Variants in NPY5R observed in about 807,000 individuals in gnomAD.
NPY5R encodes neuropeptide Y receptor type 5.
NPY5R carries 21 observed loss-of-function variants against 24.8 expected under a neutral mutation model. The ratio of observed to expected loss-of-function variants is 0.85; its 90% CI spans 0.60 to 1.22. The LOEUF is 1.22. NPY5R is among the 50% of genes most tolerant of loss of function. The pLI, the probability that NPY5R is intolerant of heterozygous loss-of-function variation, is 0.00. For missense variants in NPY5R, 481 were observed against 521.3 expected, an observed-to-expected ratio of 0.92 and a Z score of 0.75; for synonymous variants, 175 against 183.0, an observed-to-expected ratio of 0.96 and a Z score of 0.35.
rs201640301 is a variant in NPY5R at position 163,350,314 on chromosome 4, C to A, written c.41C>A (p.Ala14Asp). ...ELDEYYNKTLATENNTAATRN... is the reference protein window; with the variant it reads ...ELDEYYNKTLDTENNTAATRN... The stretch of plus-strand genomic sequence containing the variant: ...GACGAGTATTATAACAAGACACTTG[C>A]CACAGAGAATAATACTGCTGCCACT... The change falls in exon 4 of 4, where the codon GCC becomes GAC. Residue 14 changes from alanine (A) to aspartate (D), a missense_variant. Ala to Asp is a moderately radical substitution (Grantham distance 126). Transcript: ENST00000338566. 1.9e-6 allele frequency: 3 copies of A among 1,594,368 alleles called. No homozygotes were observed. The highest frequency in any genetic ancestry group is 2.6e-6 in the Non-Finnish European group (3 of 1,166,994).
chr4:163,345,954 A>G (rs899209327), intron 2 of NPY5R, among the ~76,000 whole-genome samples: 5 of 70,414 alleles, frequency 7.1e-5, no homozygotes, highest in African/African-American at 2.8e-4. Flanking sequence ...TGCCTCCAGC[A>G]TTTGCAATAT....
At chr4:163,348,968 C>T (rs529284264) in intron 3 of NPY5R, among the ~76,000 whole-genome samples, 2 of 151,428 alleles carry the variant, frequency 1.3e-5, no homozygotes, top group Admixed American at 1.3e-4. Flanking sequence ...AATTAATCAA[C>T]AGGTGAAATT....
At chr4:163,345,296 T>A (rs1420358651) in intron 1 of NPY5R, 4 of 152,202 alleles carry the variant, frequency 2.6e-5, no homozygotes, top group Non-Finnish European at 4.4e-5. Context: ...GTTTCATTTG[T>A]CTAGGTGTCA....
At position 163,350,424 on chromosome 4, in the gene NPY5R, G is replaced by C. The variant is rs757222561; in HGVS notation, c.151G>C (p.Val51Leu). 5 of 1,613,900 alleles carry C rather than the reference G, an allele frequency of 3.1e-6. No individual in the cohort carries two copies. Among genetic ancestry groups the C allele is most frequent in the Non-Finnish European group, 4.2e-6 (5 of 1,179,806 alleles). The change falls in exon 4 of 4, where the codon GTA becomes CTA. Residue 51 changes from valine to leucine, a missense_variant. Coordinates refer to ENST00000338566, the MANE Select transcript of NPY5R (RefSeq NM_006174.4). ...TTTTCTGATTGGGCTCTATACATTT[G>C]TAAGTCTTCTTGGCTTTATGGGGAA... is the stretch of plus-strand genomic sequence containing the variant. Reference protein sequence around the residue: ...QYFLIGLYTFVSLLGFMGNLL... With the variant: ...QYFLIGLYTFLSLLGFMGNLL...
chr4:163,349,283 A>C, intron 3 of NPY5R: 3 of 900,234 alleles, frequency 3.3e-6, no homozygotes, highest in Non-Finnish European at 4.0e-6. Flanking sequence ...ATAAACATTT[A>C]TTTAATACCT....
At chr4:163,347,287 C>T (rs1735292222) in intron 2 of NPY5R, among the ~76,000 whole-genome samples, 165 bp from the exon 3 acceptor site, 1 of 152,148 alleles carries the variant, frequency 6.6e-6, no homozygotes, top group African/African-American at 2.4e-5. Context: ...AGACTCAAAA[C>T]TACATTGTTT....
At position 163,350,898 on chromosome 4, in the gene NPY5R, A is replaced by G. The variant is rs778215574; in HGVS notation, c.625A>G (p.Ile209Val). ...GTCATGGCCATCTGATTCATACAGA[A>G]TTGCCTTTACTATCTCTTTATTGCT... ...VESWPSDSYR[I>V]AFTISLLLVQ... Residue 209 changes from isoleucine (I) to valine (V), a missense_variant, in exon 4 of 4, where the codon ATT (isoleucine) becomes GTT (valine). Physicochemically the swap from Ile to Val is conservative, Grantham distance 29. Coordinates refer to ENST00000338566, the MANE Select transcript of NPY5R (RefSeq NM_006174.4). 8.1e-6 allele frequency: 13 copies of G among 1,614,148 alleles called. No homozygotes were observed. Among genetic ancestry groups the G allele is most frequent in the Non-Finnish European group, 1.1e-5 (13 of 1,180,034 alleles).
chr4:163,347,493 A>G lies in NPY5R; in HGVS notation c.-39A>G, dbSNP rs2110858106. On this transcript the variant is annotated 5_prime_UTR_variant, in exon 3 of 4. Transcript: ENST00000338566. ...CTATCGGTAACAACTGACCTGCCAC[A>G]AAGTTAGAAGAAAGGATTGATTCAA... The G allele has an allele frequency of 6.6e-6, 1 of 152,362 alleles. No individual in the cohort carries two copies. The highest frequency in any genetic ancestry group is 2.1e-4 in the South Asian group (1 of 4,830). 9.4% of individuals were successfully genotyped at this position (152,362 alleles called of 1,614,324 possible).
At chr4:163,348,584 A>T (rs56032737) in intron 3 of NPY5R, among the ~76,000 whole-genome samples, 2,039 of 151,828 alleles carry the variant, frequency 0.013, 36 homozygotes, top group Middle Eastern at 0.058. Context: ...GTTCAAGGTT[A>T]CAATGAGCTG....
downstream of NPY5R, among the ~76,000 whole-genome samples, chr4:163,352,222 CTCCACTG>C (rs141950461): frequency 3.5e-4 from 53 of 152,232 alleles, no homozygotes; most frequent in East Asian, 7.3e-3. Context: ...GTCAATTTAA[CTCCACTG>C]TCCTAGTAAT....
intron 1 of NPY5R, 64 bp downstream of exon 1, chr4:163,344,064 G>GT (rs1414703114): frequency 6.6e-6 from 1 of 152,260 alleles, no homozygotes; most frequent in Non-Finnish European, 1.5e-5. Context: ...CCGAGGGGCC[G>GT]TGGCGGGTCC....
In NPY5R at chr4:163,351,012, A is replaced by G. The variant is rs2110880176; in HGVS notation, c.739A>G (p.Asn247Asp). Reference sequence around the variant, plus strand: ...AAGCTGTGGATTGTCCAACAAAGAAAACAGACTTGAAGAAAATGAGATGAT... The same window carrying G: ...AAGCTGTGGATTGTCCAACAAAGAAGACAGACTTGAAGAAAATGAGATGAT... ...SISCGLSNKE[N>D]RLEENEMINL... Residue 247 changes from asparagine (N) to aspartate (D), a missense_variant, in exon 4 of 4, where the codon AAC becomes GAC. By Grantham distance (23) the Asn-to-Asp change is conservative (BLOSUM62 1). Coordinates refer to ENST00000338566, the MANE Select transcript of NPY5R (RefSeq NM_006174.4). 1.2e-6 allele frequency: 2 copies of G among 1,614,140 alleles called. No individual in the cohort carries two copies. The highest frequency in any genetic ancestry group is 8.5e-7 in the Non-Finnish European group (1 of 1,180,028).
intron 1 of NPY5R, chr4:163,344,271 C>G (rs1203463477): frequency 6.6e-6 from 1 of 152,334 alleles, no homozygotes; most frequent in Admixed American, 6.5e-5. Flanking sequence ...TGAATTCTTT[C>G]GTGCCGAGCA....
Position 163,350,679 on chromosome 4 carries a change from G to A in NPY5R, c.406G>A (p.Ala136Thr). Residue 136 changes from alanine to threonine, a missense_variant, in exon 4 of 4, where the codon GCC becomes ACC. Coordinates refer to ENST00000338566, the MANE Select transcript of NPY5R (RefSeq NM_006174.4). ...LVSTLILISI[A>T]IVRYHMIKHP... ...TTCAACTTTAATTTTAATATCAATT[G>A]CCATTGTCAGGTATCATATGATAAA... 1 of 1,613,808 alleles carries A rather than the reference G, an allele frequency of 6.2e-7. No individual in the cohort carries two copies. The highest frequency in any genetic ancestry group is 1.1e-5 in the South Asian group (1 of 91,070).
At chr4:163,345,932 AC>A (rs1333554036) in intron 2 of NPY5R, among the ~76,000 whole-genome samples, 179 bp downstream of exon 2, 3 of 60,042 alleles carry the variant, frequency 5.0e-5, no homozygotes, top group East Asian at 6.3e-4. Flanking sequence ...CCCCTCCCCC[AC>A]CCCCCCTCCC....
At chr4:163,350,145 G>C in intron 3 of NPY5R, 120 bp from the exon 4 acceptor site, 1 of 561,686 alleles carries the variant, frequency 1.8e-6, no homozygotes, top group Non-Finnish European at 3.0e-6. Context: ...AACTTCCTTA[G>C]GAGATTAATA....
intron 2 of NPY5R, among the ~76,000 whole-genome samples, chr4:163,346,021 T>C (rs1735233724): frequency 7.2e-6 from 1 of 139,692 alleles, no homozygotes; most frequent in Non-Finnish European, 1.5e-5. Context: ...ATTCACAGAA[T>C]GTTCATTCTG....
In NPY5R at chr4:163,351,695, A is replaced by T; in HGVS notation, c.*84A>T. 1 of 948,452 alleles carries T rather than the reference A, an allele frequency of 1.1e-6. No individual in the cohort carries two copies. Among genetic ancestry groups the T allele is most frequent in the Non-Finnish European group, 1.5e-6 (1 of 675,566 alleles). The allele number at this position is 948,452 out of a possible 1,614,324, so 58.8% of individuals were successfully genotyped here. On this transcript the variant is annotated 3_prime_UTR_variant, in exon 4 of 4. Coordinates refer to ENST00000338566, the MANE Select transcript of NPY5R (RefSeq NM_006174.4). ...TGATAACTATTTACATATAATAAAT[A>T]GAAATTTTGTTAACATGGAATTTAA...
intron 2 of NPY5R, among the ~76,000 whole-genome samples, chr4:163,346,390 C>G (rs1735251509): frequency 6.6e-6 from 1 of 152,118 alleles, no homozygotes; most frequent in South Asian, 2.1e-4. Context: ...TTGAATTAAT[C>G]TATATAGAAT....
Sources: allele counts gnomAD v4.1 joint callset (sites outside exome capture counted in the v4.1 genomes callset), GRCh38; gene constraint gnomAD v4.1.1; transcripts MANE v1.5; gene names NCBI Gene and HGNC (gene_info 2026-07-23, HGNC 2026-07-21).